The following TAFA5 variants were observed in gnomAD, a reference collection of about 807,000 sequenced individuals.
The protein encoded by TAFA5 is chemokine-like protein TAFA-5.
A neutral mutation model predicts 15.3 loss-of-function variants in TAFA5; 6 were observed. The observed-to-expected ratio is 0.39, with a 90% CI of 0.21 to 0.77. TAFA5 has a LOEUF of 0.77. Ranked by LOEUF, TAFA5 falls within the 30% of genes least tolerant of loss-of-function variation. The pLI, the probability that TAFA5 is intolerant of heterozygous loss-of-function variation, is 0.41. For missense variants in TAFA5, 161 were observed against 193.1 expected, an observed-to-expected ratio of 0.83 and a Z score of 0.98; for synonymous variants, 103 against 80.7, an observed-to-expected ratio of 1.28 and a Z score of -1.48.
rs550779393 is a variant in TAFA5, at chr22:48,624,642, G to C, written c.113-21955G>C. On this transcript the variant is annotated intron_variant, in intron 1 of 3. Coordinates refer to ENST00000402357, the MANE Select transcript of TAFA5 (RefSeq NM_001082967.3). The stretch of plus-strand genomic sequence containing the variant: ...TGGGCGCTCCCCCTGGCACTCGTGG[G>C]CTCCGTTGGCACAGCCCATCAGTGA... Among the ~76,000 whole-genome samples, 19 of 152,268 alleles carry C rather than the reference G, an allele frequency of 1.2e-4. No homozygotes were observed. In the South Asian group the frequency reaches 3.1e-3, roughly 25 times the overall value.
chr22:48,718,266 G>A (rs1039058683), intron 3 of TAFA5, among the ~76,000 whole-genome samples: 6 of 152,336 alleles, frequency 3.9e-5, no homozygotes, highest in Non-Finnish European at 7.4e-5. Flanking sequence ...ACTGGGCCCC[G>A]CTGTGGCCGT....
At chr22:48,616,820 C>G (rs1925623134) in intron 1 of TAFA5, among the ~76,000 whole-genome samples, 1 of 152,194 alleles carries the variant, frequency 6.6e-6, no homozygotes, top group Admixed American at 6.5e-5. Flanking sequence ...CGGCAGACAC[C>G]CAGCTGCTTG....
Position 48,566,863 on chromosome 22 carries a change from G to A in TAFA5, c.112+77159G>A, listed in dbSNP as rs780676791. On this transcript the variant is annotated intron_variant, in intron 1 of 3. Coordinates refer to ENST00000402357, the MANE Select transcript of TAFA5 (RefSeq NM_001082967.3). The surrounding 1 kb of genome is among the most constrained non-coding windows in gnomAD (Gnocchi z 4.5). ...CTTGTGGTTCTGCAGCTTTTTTGCC[G>A]TAGTTTGCTCACCACTGTGGTTTCA... Among the ~76,000 whole-genome samples the A allele has an allele frequency of 2.6e-5, 4 of 152,180 alleles. No homozygotes were observed. The highest frequency in any genetic ancestry group is 2.1e-4 in the South Asian group (1 of 4,824).
At chr22:48,667,751 CA>C (rs1927667203) in intron 2 of TAFA5, among the ~76,000 whole-genome samples, 1 of 148,552 alleles carries the variant, frequency 6.7e-6, no homozygotes, top group Non-Finnish European at 1.5e-5. Flanking sequence ...CCCCAGCACT[CA>C]GGGCCGCGTC....
At chr22:48,575,114 G>A (rs909286074) in intron 1 of TAFA5, among the ~76,000 whole-genome samples, 1 of 152,152 alleles carries the variant, frequency 6.6e-6, no homozygotes, top group African/African-American at 2.4e-5. Context: ...CGGCTGGGGC[G>A]GTACCTGGGC....
intron 2 of TAFA5, among the ~76,000 whole-genome samples, chr22:48,654,471 G>A (rs1213682183): frequency 6.6e-6 from 1 of 152,228 alleles, no homozygotes. Flanking sequence ...GATGGGGACA[G>A]CTTATGCCTG....
chr22:48,713,493 G>A (rs1260038768), intron 3 of TAFA5, among the ~76,000 whole-genome samples: 2 of 152,212 alleles, frequency 1.3e-5, no homozygotes, highest in African/African-American at 4.8e-5. Flanking sequence ...TGCTGACTTG[G>A]GCTGGGCAGC....
At chr22:48,621,087 A>C (rs1056181422) in intron 1 of TAFA5, among the ~76,000 whole-genome samples, 3 of 23,170 alleles carry the variant, frequency 1.3e-4, no homozygotes, top group Non-Finnish European at 1.5e-4. Flanking sequence ...CCACCCACCC[A>C]CCCAATCTAC....
chr22:48,526,012 C>T (rs1334429228), intron 1 of TAFA5, among the ~76,000 whole-genome samples: 1 of 152,234 alleles, frequency 6.6e-6, no homozygotes, highest in Non-Finnish European at 1.5e-5. Flanking sequence ...AGAATGTGTA[C>T]TGGGCACCAG....
intron 3 of TAFA5, among the ~76,000 whole-genome samples, chr22:48,737,233 G>A (rs769877829): frequency 2.0e-5 from 3 of 152,186 alleles, no homozygotes; most frequent in African/African-American, 4.8e-5. Context: ...TGTCCTGAAC[G>A]TGGACACAGG....
At chr22:48,699,931 C>A (rs1928850657) in intron 2 of TAFA5, among the ~76,000 whole-genome samples, 1 of 152,178 alleles carries the variant, frequency 6.6e-6, no homozygotes, top group Admixed American at 6.5e-5. Context: ...CCCACTGACA[C>A]ATTGAGCTCC....
chr22:48,717,703 C>T (rs999072823), intron 3 of TAFA5, among the ~76,000 whole-genome samples: 13 of 152,340 alleles, frequency 8.5e-5, no homozygotes, highest in African/African-American at 2.6e-4. Context: ...TCCAGTGCTT[C>T]CCAGGGACCA....
intron 2 of TAFA5, among the ~76,000 whole-genome samples, chr22:48,680,274 G>A (rs770234261): frequency 9.2e-5 from 14 of 152,246 alleles, no homozygotes; most frequent in South Asian, 4.1e-4. Flanking sequence ...TGGCAGGAGC[G>A]TGTGCGTCCC....
rs542733722 is a variant in TAFA5 at position 48,566,364 on chromosome 22, G to T, written c.112+76660G>T. Among the ~76,000 whole-genome samples, 2 of 152,112 alleles carry T rather than the reference G, an allele frequency of 1.3e-5. No individual in the cohort carries two copies. The highest frequency in any genetic ancestry group is 4.8e-5 in the African/African-American group (2 of 41,490). ...ATGAATGGATGGTGATGGGTGGACG[G>T]ATGGTGGATGGATGGGTGGATGGTG... On this transcript the variant is annotated intron_variant, in intron 1 of 3. Transcript: ENST00000402357. This position sits in a 1 kb window ranked among gnomAD's most constrained non-coding sequence, Gnocchi z 4.5.
chr22:48,569,647 G>A (rs765602256), intron 1 of TAFA5, among the ~76,000 whole-genome samples: 3 of 152,150 alleles, frequency 2.0e-5, no homozygotes, highest in African/African-American at 7.2e-5. Flanking sequence ...GTCTGCTGTC[G>A]TTGCATTGCT....
intron 1 of TAFA5, among the ~76,000 whole-genome samples, chr22:48,595,718 C>G (rs1924741100): frequency 6.6e-6 from 1 of 152,254 alleles, no homozygotes; most frequent in South Asian, 2.1e-4. Flanking sequence ...CCTGGAGGTC[C>G]TCTTGCACTG....
intron 2 of TAFA5, among the ~76,000 whole-genome samples, chr22:48,659,944 G>T (rs913787141): frequency 2.0e-5 from 3 of 152,196 alleles, no homozygotes; most frequent in African/African-American, 7.2e-5. Flanking sequence ...TTTTGATCTT[G>T]GAGATGCTTT....
At chr22:48,718,971 C>T (rs1370266244) in intron 3 of TAFA5, among the ~76,000 whole-genome samples, 1 of 152,258 alleles carries the variant, frequency 6.6e-6, no homozygotes, top group African/African-American at 2.4e-5. Flanking sequence ...GTCCCCATGT[C>T]CTCCTAGCTG....
At chr22:48,544,918 G>A (rs778179978) in intron 1 of TAFA5, 19 of 470,198 alleles carry the variant, frequency 4.0e-5, no homozygotes, top group Middle Eastern at 7.1e-4. Flanking sequence ...ACCTCCTGCC[G>A]CAAGGCCCTA....
Sources: allele counts gnomAD v4.1 joint callset (sites outside exome capture counted in the v4.1 genomes callset), GRCh38; gene constraint gnomAD v4.1.1; non-coding constraint Gnocchi (gnomAD v3.1); transcripts MANE v1.5; gene names NCBI Gene and HGNC (gene_info 2026-07-23, HGNC 2026-07-21).